Variants in ST18 observed in about 807,000 individuals in gnomAD.
The protein encoded by ST18 is ST18 C2H2C-type zinc finger transcription factor.
Under a neutral mutation model 110.0 loss-of-function variants are expected in ST18, and 50 were observed. The ratio of observed to expected loss-of-function variants is 0.45; its 90% confidence interval spans 0.36 to 0.58. The LOEUF is 0.58. Among genes scored for constraint, ST18 ranks in the 20% least tolerant of loss-of-function variants. The pLI is 0.00. For synonymous variants in ST18, 461 were observed against 452.4 expected (o/e 1.02, Z -0.24); for missense variants, 1,306 against 1,280.1 (o/e 1.02, Z -0.31).
rs373793731 is a variant in ST18, at chr8:52,187,125, C to T, written c.87-6813G>A. 4.4e-4 allele frequency among the ~76,000 whole-genome samples: 67 copies of T among 152,136 alleles called. 2 individuals carry two copies. In the East Asian group the frequency reaches 9.8e-3, roughly 22 times the overall value. ...GTGAGCTGCAAATTTCTTTGATTACCGAAAGTATTTATAGACTAAAGTCAA... is the reference window on the plus strand; with the variant it reads ...GTGAGCTGCAAATTTCTTTGATTACTGAAAGTATTTATAGACTAAAGTCAA... On this transcript the variant is annotated intron_variant, in intron 8 of 25. Transcript: ENST00000689386.
chr8:52,214,549 G>C (rs1270895840), intron 6 of ST18, among the ~76,000 whole-genome samples: 1 of 152,074 alleles, frequency 6.6e-6, no homozygotes, highest in Non-Finnish European at 1.5e-5. Context: ...ATAGAAAAAG[G>C]CTCATCTCAT....
chr8:52,167,082 C>T, intron 10 of ST18, 96 bp from the exon 11 acceptor site: 1 of 1,471,228 alleles, frequency 6.8e-7, no homozygotes, highest in Admixed American at 1.9e-5. Context: ...TCACTTTATT[C>T]AGTTTTACCG....
intron 3 of ST18, chr8:52,222,206 T>G (rs2087054128): frequency 6.6e-6 from 1 of 152,246 alleles, no homozygotes; most frequent in Non-Finnish European, 1.5e-5. Context: ...GGAGTAGCTG[T>G]AAAGCCTCTG....
intron 2 of ST18, among the ~76,000 whole-genome samples, chr8:52,255,553 A>G (rs951415556): frequency 6.6e-6 from 1 of 152,300 alleles, no homozygotes; most frequent in African/African-American, 2.4e-5. Context: ...GACTTTTCAT[A>G]CTAACCAATA....
At position 52,219,717 on chromosome 8, in the gene ST18, G is replaced by A. The variant is rs2136300971; in HGVS notation, c.-157+1024C>T. ...AGATCTTCCTGAGGGCCATGTGTAG[G>A]CACATTCCCCCCAGAAGAGATGATT... On this transcript the variant is annotated intron_variant, in intron 5 of 25. Transcript: ENST00000689386. 1.3e-5 allele frequency among the ~76,000 whole-genome samples: 2 copies of A among 151,864 alleles called. 1 individual carries two copies. Among genetic ancestry groups the A allele is most frequent in the Middle Eastern group, 6.8e-3 (2 of 294 alleles).
At chr8:52,203,793 G>A (rs1270483553) in intron 8 of ST18, among the ~76,000 whole-genome samples, 2 of 152,096 alleles carry the variant, frequency 1.3e-5, no homozygotes, top group Non-Finnish European at 2.9e-5. Context: ...GAGAAGATTT[G>A]GACCAAAGGG....
At chr8:52,375,364 C>A (rs1029053182) in intron 2 of ST18, among the ~76,000 whole-genome samples, 1 of 152,174 alleles carries the variant, frequency 6.6e-6, no homozygotes, top group Non-Finnish European at 1.5e-5. Flanking sequence ...TCCCATGAGG[C>A]TTCCCTTAGC....
At chr8:52,338,891 C>T (rs148596698) in intron 2 of ST18, among the ~76,000 whole-genome samples, 1 of 152,010 alleles carries the variant, frequency 6.6e-6, no homozygotes, top group Non-Finnish European at 1.5e-5. Context: ...GCACAAGCTA[C>T]CAAACCCAGC....
At chr8:52,387,512 T>A (rs1283290418) in intron 2 of ST18, among the ~76,000 whole-genome samples, 1 of 152,128 alleles carries the variant, frequency 6.6e-6, no homozygotes, top group Non-Finnish European at 1.5e-5. Context: ...TGACTTTGGG[T>A]TTCCTTCCCT....
chr8:52,118,303 T>C (rs769614953), intron 24 of ST18, 35 bp downstream of exon 24: 1 of 1,375,106 alleles, frequency 7.3e-7, no homozygotes, highest in Admixed American at 2.1e-5. Context: ...AGATTATGAT[T>C]ACATTAAGGA....
At chr8:52,271,941 TA>T (rs2138918822) in intron 2 of ST18, among the ~76,000 whole-genome samples, 2 of 152,352 alleles carry the variant, frequency 1.3e-5, no homozygotes, top group South Asian at 4.1e-4. Flanking sequence ...AGGACATGCC[TA>T]AAGTATTTGC....
intron 12 of ST18, 105 bp from the exon 13 acceptor site, chr8:52,164,195 T>C (rs1460680575): frequency 2.1e-6 from 2 of 938,904 alleles, no homozygotes; most frequent in African/African-American, 3.2e-5. Flanking sequence ...TGTTAAGTCA[T>C]ATTAATAGTT....
At chr8:52,293,590 C>T (rs1362020936) in intron 2 of ST18, among the ~76,000 whole-genome samples, 1 of 152,208 alleles carries the variant, frequency 6.6e-6, no homozygotes, top group Non-Finnish European at 1.5e-5. Context: ...TCATTTCTTA[C>T]ATCCAGAGCA....
chr8:52,169,984 C>G (rs2064258189), intron 10 of ST18, among the ~76,000 whole-genome samples: 1 of 152,128 alleles, frequency 6.6e-6, no homozygotes, highest in African/African-American at 2.4e-5. Context: ...TTCAAAAGCT[C>G]TATAAAATTA....
In ST18 at chr8:52,353,006, C is replaced by T. The variant is rs1306403472; in HGVS notation, c.-465+56322G>A. Among the ~76,000 whole-genome samples the T allele has an allele frequency of 3.3e-5, 5 of 152,154 alleles. No homozygotes were observed. In the East Asian group the frequency reaches 9.6e-4, roughly 29 times the overall value. ...TGGTAGACTCAGGATTCATCCAGTC[C>T]AGTCTGATTCTGAACTCCTGTTCTT... On this transcript the variant is annotated intron_variant, in intron 2 of 25. Transcript: ENST00000689386.
rs147235531 is a variant in ST18, at chr8:52,337,976, T to C, written c.-465+71352A>G. Among the ~76,000 whole-genome samples, 725 of 152,380 alleles carry C rather than the reference T, an allele frequency of 4.8e-3. 2 individuals are homozygous for C. The highest frequency in any genetic ancestry group is 8.7e-3 in the Non-Finnish European group (593 of 68,032). On this transcript the variant is annotated intron_variant, in intron 2 of 25. Transcript: ENST00000689386. ...GACAATATCTACCAGTTTAAGAATGTCAGGATGAATTAGATGGCATCTTTA... is the reference window on the plus strand; with the variant it reads ...GACAATATCTACCAGTTTAAGAATGCCAGGATGAATTAGATGGCATCTTTA...
intron 23 of ST18, among the ~76,000 whole-genome samples, chr8:52,120,922 G>A (rs1031227666): frequency 6.6e-6 from 1 of 152,140 alleles, no homozygotes; most frequent in Non-Finnish European, 1.5e-5. Flanking sequence ...GAGGTAGGGG[G>A]TGAGAGAAGA....
At chr8:52,128,056 C>T (rs1347342841) in intron 22 of ST18, among the ~76,000 whole-genome samples, 3 of 152,082 alleles carry the variant, frequency 2.0e-5, no homozygotes, top group African/African-American at 7.2e-5. Flanking sequence ...GCAACCTCCA[C>T]CTCCTGGGCT....
At position 52,338,973 on chromosome 8, in the gene ST18, G is replaced by A. The variant is rs528066350; in HGVS notation, c.-465+70355C>T. On this transcript the variant is annotated intron_variant, in intron 2 of 25. Transcript: ENST00000689386. ...TTGCCCAGACTAATCTCAAACTTGG[G>A]CCTCAAGCGACCCTCCCACCTCAGC... 2.0e-5 allele frequency among the ~76,000 whole-genome samples: 3 copies of A among 151,964 alleles called. 1 individual carries two copies. Among genetic ancestry groups the A allele is most frequent in the Non-Finnish European group, 4.4e-5 (3 of 67,994 alleles).
Sources: gnomAD v4.1 joint callset for allele counts (sites outside exome capture counted in the v4.1 genomes callset) on GRCh38, gnomAD v4.1.1 for gene constraint, MANE v1.5 for transcripts, NCBI Gene and HGNC (gene_info 2026-07-23, HGNC 2026-07-21) for gene names.